ATRX: variants seen among roughly 807,000 people sequenced by gnomAD.
ATRX encodes chromatin remodeler ATRX.
A neutral mutation model predicts 172.6 loss-of-function variants in ATRX; 12 were observed. The ratio of observed to expected loss-of-function variants is 0.07; its 90% CI spans 0.04 to 0.11. The LOEUF is 0.11. Ranked by LOEUF, ATRX falls within the 10% of genes least tolerant of loss-of-function variation. The pLI, the probability that ATRX is intolerant of heterozygous loss-of-function variation, is 1.00. For synonymous variants in ATRX, 674 were observed against 594.7 expected (o/e 1.13, Z -1.94); for missense variants, 1,368 against 1,767.4 (o/e 0.77, Z 4.05).
chrX:77,731,862 T>A (rs782190544), intron 1 of ATRX, among the ~76,000 whole-genome samples: 14 of 110,596 alleles, frequency 1.3e-4, no homozygotes, highest in Middle Eastern at 4.2e-3. Context: ...TTCTTCACCT[T>A]CACCATCCTT....
chrX:77,722,360 CAA>C (rs782433623), intron 1 of ATRX, among the ~76,000 whole-genome samples: 2 of 103,123 alleles, frequency 1.9e-5, no homozygotes, highest in Non-Finnish European at 4.0e-5. Context: ...TTCTGCACAG[CAA>C]AAAAAAAATA....
At chrX:77,649,939 T>A (rs2069127971) in intron 15 of ATRX, among the ~76,000 whole-genome samples, 1 of 112,097 alleles carries the variant, frequency 8.9e-6, no homozygotes, top group Non-Finnish European at 1.9e-5. Flanking sequence ...TTTTAAAATA[T>A]GTACTAGACC....
intron 27 of ATRX, among the ~76,000 whole-genome samples, chrX:77,586,785 G>T (rs1357942814): frequency 8.0e-5 from 9 of 111,854 alleles, no homozygotes; most frequent in African/African-American, 1.3e-4. Flanking sequence ...TAGGCCAGGT[G>T]TGGTAGCTCA....
At chrX:77,554,310 A>C (rs2147925132) in intron 30 of ATRX, among the ~76,000 whole-genome samples, 1 of 110,330 alleles carries the variant, frequency 9.1e-6, no homozygotes, top group Non-Finnish European at 1.9e-5. Flanking sequence ...GTCTCAAAGA[A>C]AAAAAAAACA....
intron 1 of ATRX, among the ~76,000 whole-genome samples, chrX:77,738,018 GAATAA>G (rs782248997): frequency 5.0e-4 from 56 of 111,403 alleles, no homozygotes; most frequent in African/African-American, 1.8e-3. Context: ...TTTATTTGCT[GAATAA>G]AATAAAGGAG....
At chrX:77,544,378 C>T (rs1472214480) in intron 30 of ATRX, among the ~76,000 whole-genome samples, 2 of 111,310 alleles carry the variant, frequency 1.8e-5, no homozygotes, top group African/African-American at 6.5e-5. Context: ...CAGTACCCTT[C>T]CCCCTTCTGA....
intron 28 of ATRX, among the ~76,000 whole-genome samples, chrX:77,570,405 G>C (rs782584179): frequency 4.6e-5 from 5 of 108,567 alleles, no homozygotes; most frequent in African/African-American, 1.3e-4. Context: ...GAATTCCTGG[G>C]CTCAGCCTCC....
At chrX:77,635,746 G>T (rs963995869) in intron 16 of ATRX, among the ~76,000 whole-genome samples, 169 bp downstream of exon 16, 20 of 111,215 alleles carry the variant, frequency 1.8e-4, no homozygotes, top group African/African-American at 5.6e-4. Context: ...ACCCAATTTT[G>T]TTCTTCCTCA....
intron 22 of ATRX, chrX:77,616,089 A>C (rs1437939683): frequency 1.3e-6 from 1 of 752,286 alleles, no homozygotes; most frequent in Non-Finnish European, 1.6e-6. Flanking sequence ...AGCATAGAAA[A>C]ATACAAGAAA....
At chrX:77,521,903 G>A (rs1407558203) in intron 32 of ATRX, 2 of 225,676 alleles carry the variant, frequency 8.9e-6, no homozygotes, top group Non-Finnish European at 1.6e-5. Flanking sequence ...TAATGCACTA[G>A]AATAGAAGTT....
chrX:77,683,740 G>T lies in ATRX; in HGVS notation c.1516C>A (p.Pro506Thr). 1 of 1,210,731 alleles carries T rather than the reference G, an allele frequency of 8.3e-7. No individual in the cohort carries two copies. The highest frequency in any genetic ancestry group is 1.1e-6 in the Non-Finnish European group (1 of 894,930). Residue 506 changes from proline to threonine, a missense_variant, in exon 9 of 35, where the codon CCT becomes ACT. Coordinates refer to ENST00000373344, the MANE Select transcript of ATRX (RefSeq NM_000489.6). ...SDRKEEPQYE[P>T]ANTSEDLDMD... The stretch of plus-strand genomic sequence containing the variant: ...TCTAAATCTTCAGAAGTGTTGGCAG[G>T]TTCATATTGAGGTTCTTCTTTTCTA...
At chrX:77,735,598 C>CTAAATAAATAAATAAATAAATAAA (rs200045391) in intron 1 of ATRX, among the ~76,000 whole-genome samples, 1 of 60,149 alleles carries the variant, frequency 1.7e-5, no homozygotes, top group Non-Finnish European at 3.0e-5. Context: ...TCTCAAAAAA[C>CTAAATAAATAAATAAATAAATAAA]TAAATAAATA....
intron 10 of ATRX, 149 bp downstream of exon 10, chrX:77,676,077 T>C: frequency 2.1e-6 from 1 of 484,150 alleles, no homozygotes; most frequent in Non-Finnish European, 3.4e-6. Context: ...CTGGCCTTTC[T>C]TTCAAACTTG....
intron 22 of ATRX, among the ~76,000 whole-genome samples, chrX:77,603,146 T>C (rs1204084232): frequency 9.0e-6 from 1 of 110,870 alleles, no homozygotes; most frequent in African/African-American, 3.3e-5. Context: ...AGGAAATAAA[T>C]TCCTACAAAC....
At chrX:77,747,995 G>A (rs924558321) in intron 1 of ATRX, among the ~76,000 whole-genome samples, 2 of 111,077 alleles carry the variant, frequency 1.8e-5, no homozygotes, top group Non-Finnish European at 3.8e-5. Context: ...GATAAAGAAG[G>A]GGAGAAGAAC....
In ATRX at chrX:77,693,759, T is replaced by C. The variant is rs782426414; in HGVS notation, c.484+65A>G. ...AGTGGAGGTATTTTTAGTAAGCACATCCGATTTTCCAATATGGTCATAAAC... is the reference window on the plus strand; with the variant it reads ...AGTGGAGGTATTTTTAGTAAGCACACCCGATTTTCCAATATGGTCATAAAC... On this transcript the variant is annotated intron_variant, in intron 6 of 34. Transcript: ENST00000373344. 5 of 900,035 alleles carry C rather than the reference T, an allele frequency of 5.6e-6. No homozygotes were observed. The East Asian group carries it at 1.6e-4, about 28-fold the overall frequency. The allele number at this position is 900,035 out of a possible 1,213,427, so 74.2% of individuals were successfully genotyped here.
chrX:77,781,441 C>CAAA (rs781859880), intron 1 of ATRX, among the ~76,000 whole-genome samples: 5 of 28,887 alleles, frequency 1.7e-4, no homozygotes, highest in African/African-American at 3.6e-4. Flanking sequence ...GACTCTGTCT[C>CAAA]AAAAAAAAAA....
chrX:77,574,943 T>C (rs1299918329), intron 27 of ATRX, among the ~76,000 whole-genome samples: 2 of 110,397 alleles, frequency 1.8e-5, no homozygotes, highest in African/African-American at 6.6e-5. Context: ...TGATATGACA[T>C]GTCAATTTTA....
intron 30 of ATRX, among the ~76,000 whole-genome samples, chrX:77,551,434 G>C (rs1318092433): frequency 8.9e-6 from 1 of 112,151 alleles, no homozygotes; most frequent in Non-Finnish European, 1.9e-5. Flanking sequence ...GCTGGAACTG[G>C]ATCCCTTCCT....
Sources: allele counts gnomAD v4.1 joint callset (sites outside exome capture counted in the v4.1 genomes callset), GRCh38; gene constraint gnomAD v4.1.1; transcripts MANE v1.5; gene names NCBI Gene and HGNC (gene_info 2026-07-23, HGNC 2026-07-21).